The following SWI5 variants were observed in gnomAD, a reference collection of about 807,000 sequenced individuals.
SWI5 encodes the protein DNA repair protein SWI5 homolog.
In SWI5, 12 loss-of-function variants were observed where a neutral mutation model predicts 17.0. The observed-to-expected ratio is 0.71, with a 90% CI of 0.45 to 1.14. The LOEUF is 1.14. Ranked by LOEUF, SWI5 falls within the 50% of genes most tolerant of loss-of-function variation. The pLI is 0.00. For synonymous variants in SWI5, 61 were observed against 64.0 expected, an observed-to-expected ratio of 0.95 and a Z score of 0.22; for missense variants, 158 against 162.2, an observed-to-expected ratio of 0.97 and a Z score of 0.14.
At chr9:128,276,308 G>T (rs1335930581) in exon 1 of SWI5, 1 of 1,612,860 alleles carries the variant, frequency 6.2e-7, no homozygotes, top group East Asian at 2.2e-5. Context: ...TCCTGGCCCG[G>T]TGCACCTGAG....
At chr9:128,275,913 A>G, upstream of SWI5, 3 of 1,582,570 alleles carry the variant, frequency 1.9e-6, no homozygotes, top group Admixed American at 3.7e-5. Flanking sequence ...GCTGCGGCCA[A>G]TTTGCTCTGT....
chr9:128,281,335 C>T (rs1831535233), intron 2 of SWI5, among the ~76,000 whole-genome samples: 2 of 152,104 alleles, frequency 1.3e-5, no homozygotes, highest in Non-Finnish European at 2.9e-5. Flanking sequence ...TGCACCTGGC[C>T]AACCATGCTT....
At chr9:128,275,873 C>T (rs141616106), upstream of SWI5, 911 of 1,425,962 alleles carry the variant, frequency 6.4e-4, 18 homozygotes, top group East Asian at 0.022. Context: ...GTCGGGGGGC[C>T]GCGACCCGGT....
intron 2 of SWI5, among the ~76,000 whole-genome samples, chr9:128,278,258 C>T (rs1831470634): frequency 6.6e-6 from 1 of 151,872 alleles, no homozygotes; most frequent in Admixed American, 6.6e-5. Flanking sequence ...GCCCAGCTTC[C>T]ATTCCTTCCA....
chr9:128,276,339 C>T, exon 1 of SWI5: 1 of 1,613,274 alleles, frequency 6.2e-7, no homozygotes, highest in Non-Finnish European at 8.5e-7. Context: ...CCGACTCCCG[C>T]GCTGGACCCT....
rs1288588953 is a variant in SWI5, at chr9:128,285,214, G to C, written c.233+583G>C. Among the ~76,000 whole-genome samples the C allele has an allele frequency of 6.9e-6, 1 of 145,452 alleles. No individual in the cohort carries two copies. The highest frequency in any genetic ancestry group is 1.5e-5 in the Non-Finnish European group (1 of 66,996). ...AGAGAGAGAGGAGAGGAAAGAAAAA[G>C]GAAGGAAGGAAAGAAAGGAAGGGAA... On this transcript the variant is annotated intron_variant, in intron 3 of 4. Transcript: ENST00000418976. The surrounding 1 kb of genome is among the most constrained non-coding windows in gnomAD (Gnocchi z 4.8).
At chr9:128,288,351 C>G (rs1055386605) in intron 4 of SWI5, among the ~76,000 whole-genome samples, 6 of 152,220 alleles carry the variant, frequency 3.9e-5, no homozygotes, top group African/African-American at 1.4e-4. Flanking sequence ...CGAGGAAGCT[C>G]TGTTTCATTC....
At chr9:128,276,221 C>T (rs762033604), upstream of SWI5, 4 of 1,611,196 alleles carry the variant, frequency 2.5e-6, no homozygotes, top group Non-Finnish European at 3.4e-6. Flanking sequence ...CCGCCCACCT[C>T]GGGAGAGGGG....
At chr9:128,276,335 C>G (rs1172147982) in exon 1 of SWI5, 1 of 1,613,230 alleles carries the variant, frequency 6.2e-7, no homozygotes, top group Non-Finnish European at 8.5e-7. Flanking sequence ...CTCTCCGACT[C>G]CCGCGCTGGA....
At chr9:128,286,133 G>T in intron 4 of SWI5, 100 bp downstream of exon 4, 1 of 837,376 alleles carries the variant, frequency 1.2e-6, no homozygotes, top group East Asian at 2.5e-5. Flanking sequence ...CTTGCCAACC[G>T]TCACACCCTC....
rs115078407 is a variant in SWI5, at chr9:128,283,792, C to T, written c.112-718C>T. Reference sequence around the variant, plus strand: ...ACATTCCAGCCAGCGGGAAGGGAGACGGCCAGAGAAAGGCATGCCCTCTTC... The same window carrying T: ...ACATTCCAGCCAGCGGGAAGGGAGATGGCCAGAGAAAGGCATGCCCTCTTC... On this transcript the variant is annotated intron_variant, in intron 2 of 4. Coordinates refer to ENST00000418976, the Ensembl canonical transcript of SWI5. 5.5e-3 allele frequency among the ~76,000 whole-genome samples: 838 copies of T among 152,200 alleles called. 7 individuals are homozygous for T. The highest frequency in any genetic ancestry group is 0.019 in the African/African-American group (779 of 41,530).
chr9:128,277,554 A>G (rs1421572004), intron 2 of SWI5, among the ~76,000 whole-genome samples: 1 of 152,234 alleles, frequency 6.6e-6, no homozygotes, highest in Admixed American at 6.5e-5. Flanking sequence ...ACAAGTCTCA[A>G]AAACAAAAAA....
intron 4 of SWI5, among the ~76,000 whole-genome samples, chr9:128,287,597 T>C (rs1039363514): frequency 1.1e-4 from 15 of 140,890 alleles, no homozygotes; most frequent in African/African-American, 3.8e-4. Context: ...GGTCTCACTG[T>C]GTCACCCAGG....
chr9:128,288,533 T>G (rs1831684215), intron 4 of SWI5, 119 bp from the exon 5 acceptor site: 2 of 1,015,728 alleles, frequency 2.0e-6, no homozygotes, highest in African/African-American at 3.1e-5. Context: ...GTGTGGGGAC[T>G]GGCTTGAAGC....
intron 2 of SWI5, among the ~76,000 whole-genome samples, chr9:128,282,111 G>A (rs1446322936): frequency 2.0e-5 from 3 of 151,658 alleles, no homozygotes; most frequent in South Asian, 2.1e-4. Flanking sequence ...AAAAAAGGCC[G>A]GGTGCGGTGG....
At chr9:128,276,229 GGGC>G (rs1831360678), upstream of SWI5, 1 of 1,611,946 alleles carries the variant, frequency 6.2e-7, no homozygotes, top group Admixed American at 1.7e-5. Flanking sequence ...CTCGGGAGAG[GGGC>G]GGGGCCGGCT....
In SWI5 at chr9:128,285,500, T is replaced by C. The variant is rs1831623280; in HGVS notation, c.234-439T>C. Among the ~76,000 whole-genome samples, 1 of 152,202 alleles carries C rather than the reference T, an allele frequency of 6.6e-6. No individual in the cohort carries two copies. Among genetic ancestry groups the C allele is most frequent in the Non-Finnish European group, 1.5e-5 (1 of 68,028 alleles). ...CTCTGCACAGACTCCATTCTCTCCC[T>C]GCAGGTGGAGTTTTCAGTGTGTAGG... is the stretch of plus-strand genomic sequence containing the variant. On this transcript the variant is annotated intron_variant, in intron 3 of 4. Coordinates refer to ENST00000418976, the Ensembl canonical transcript of SWI5. This position sits in a 1 kb window ranked among gnomAD's most constrained non-coding sequence, Gnocchi z 4.8.
chr9:128,278,776 T>G (rs1235941445), intron 2 of SWI5: 4 of 428,662 alleles, frequency 9.3e-6, no homozygotes, highest in East Asian at 7.2e-5. Flanking sequence ...TGGTTTTTTT[T>G]GTTTTTTTTT....
At chr9:128,284,057 G>A (rs1156663171) in intron 2 of SWI5, among the ~76,000 whole-genome samples, 1 of 152,048 alleles carries the variant, frequency 6.6e-6, no homozygotes, top group African/African-American at 2.4e-5. Context: ...CAGCACTTTG[G>A]GAGACCGAGG....
Sources: gnomAD v4.1 joint callset for allele counts (sites outside exome capture counted in the v4.1 genomes callset) on GRCh38, gnomAD v4.1.1 for gene constraint, Gnocchi (gnomAD v3.1) non-coding constraint, MANE v1.5 for transcripts, NCBI Gene and HGNC (gene_info 2026-07-23, HGNC 2026-07-21) for gene names.